Variants in ZNF521 observed in about 807,000 individuals in gnomAD.
ZNF521 encodes the protein LYST-interacting protein 3.
ZNF521 carries 14 observed loss-of-function variants against 105.5 expected under a neutral mutation model. The observed-to-expected ratio is 0.13, with a 90% confidence interval of 0.09 to 0.21. ZNF521 has a LOEUF of 0.21. ZNF521 is among the 10% of genes least tolerant of loss of function. The probability of loss-of-function intolerance (pLI) is 1.00; values close to 1 mark genes in which losing one functional copy is unlikely to be tolerated. For synonymous variants in ZNF521, 635 were observed against 606.0 expected (o/e 1.05, Z -0.70); for missense variants, 1,233 against 1,629.7 (o/e 0.76, Z 4.19).
chr18:25,272,401 C>T (rs535010834), intron 3 of ZNF521, among the ~76,000 whole-genome samples: 5 of 152,232 alleles, frequency 3.3e-5, no homozygotes, highest in Middle Eastern at 3.4e-3. Flanking sequence ...ACCCAGCCAT[C>T]CCATTACAAG....
intron 5 of ZNF521, among the ~76,000 whole-genome samples, chr18:25,192,815 A>G (rs1252964823): frequency 6.6e-6 from 1 of 152,054 alleles, no homozygotes; most frequent in Non-Finnish European, 1.5e-5. Context: ...GGAATTCTAA[A>G]AAGGGGTATC....
chr18:25,070,696 A>T (rs1340693412), intron 7 of ZNF521, among the ~76,000 whole-genome samples: 1 of 151,762 alleles, frequency 6.6e-6, no homozygotes, highest in Non-Finnish European at 1.5e-5. Context: ...TACTGCCAAC[A>T]TGCTAGTGGC....
Position 25,227,595 on chromosome 18 carries a change from C to T in ZNF521, c.323G>A (p.Gly108Glu), listed in dbSNP as rs1906249452. 6.2e-7 allele frequency: 1 copy of T among 1,614,016 alleles called. No individual in the cohort carries two copies. Among genetic ancestry groups the T allele is most frequent in the Admixed American group, 1.7e-5 (1 of 59,996 alleles). ...AAGCCCAGGGCCACCTTCTTCCTCT[C>T]CAAAATCGCAACCTTCTCCATGGCT... ...SPSHGEGCDFGEEEGGPGLPY... is the reference protein window; with the variant it reads ...SPSHGEGCDFEEEEGGPGLPY... The change falls in exon 4 of 8, where the codon GGA becomes GAA. Residue 108 changes from glycine (G) to glutamate (E), a missense_variant. By Grantham distance (98) the Gly-to-Glu change is moderately conservative (BLOSUM62 -2). This residue lies in a region of ZNF521 where 85 missense variants were observed against 162.2 expected (regional missense o/e 0.52). Transcript: ENST00000361524. The surrounding 1 kb of genome is among the most constrained non-coding windows in gnomAD (Gnocchi z 5.7).
At chr18:25,142,743 A>G (rs1215002424) in intron 5 of ZNF521, among the ~76,000 whole-genome samples, 1 of 118,280 alleles carries the variant, frequency 8.5e-6, no homozygotes, top group Admixed American at 8.4e-5. Context: ...TAGATCCTGT[A>G]CATTCCCTTT....
chr18:25,351,961 A>C, intron 1 of ZNF521, 44 bp downstream of exon 1: 1 of 348,416 alleles, frequency 2.9e-6, no homozygotes, highest in Admixed American at 3.0e-5. Context: ...CGGGAGCAGG[A>C]GGAGGAGAAG....
chr18:25,247,628 G>C (rs899634479), intron 3 of ZNF521, among the ~76,000 whole-genome samples: 1 of 152,190 alleles, frequency 6.6e-6, no homozygotes, highest in African/African-American at 2.4e-5. Flanking sequence ...CTAGAACATA[G>C]AATTTGTGAG....
In ZNF521 at chr18:25,305,242, G is replaced by GT. The variant is rs527476051; in HGVS notation, c.220+16765dup. ...CTTACGCTTGCCTACTAAAAATGAG[G>GT]TATCAATATTTTTCATTGTACTAAA... On this transcript the variant is annotated intron_variant, in intron 3 of 7. Transcript: ENST00000361524. Among the ~76,000 whole-genome samples the GT allele has an allele frequency of 1.8e-4, 28 of 152,100 alleles. No homozygotes were observed. The East Asian group carries it at 4.8e-3, about 26-fold the overall frequency.
At chr18:25,339,699 GA>G (rs1296334981) in intron 2 of ZNF521, among the ~76,000 whole-genome samples, 1 of 152,086 alleles carries the variant, frequency 6.6e-6, no homozygotes, top group African/African-American at 2.4e-5. Context: ...AGGTTACGGG[GA>G]TTCAAAGAAA....
At chr18:25,080,763 ATAGT>A (rs141523482) in intron 7 of ZNF521, among the ~76,000 whole-genome samples, 1 of 152,326 alleles carries the variant, frequency 6.6e-6, no homozygotes, top group East Asian at 1.9e-4. Context: ...GTGTTTTCCA[ATAGT>A]TAGAGGAAAG....
At chr18:25,181,155 TA>T (rs1303505662) in intron 5 of ZNF521, among the ~76,000 whole-genome samples, 1 of 152,198 alleles carries the variant, frequency 6.6e-6, no homozygotes, top group Non-Finnish European at 1.5e-5. Context: ...TCCTGCTTGA[TA>T]AATTCCAACC....
chr18:25,203,507 C>T (rs1208467420), intron 4 of ZNF521, among the ~76,000 whole-genome samples: 1 of 152,098 alleles, frequency 6.6e-6, no homozygotes, highest in African/African-American at 2.4e-5. Flanking sequence ...TTTCTAGCTA[C>T]TTGGGAGACT....
chr18:25,316,529 T>A (rs1429013810), intron 3 of ZNF521, among the ~76,000 whole-genome samples: 1 of 152,054 alleles, frequency 6.6e-6, no homozygotes, highest in African/African-American at 2.4e-5. Flanking sequence ...ACTAAAAGGC[T>A]TTAACCAAGC....
At chr18:25,143,158 T>C (rs77496389) in intron 5 of ZNF521, among the ~76,000 whole-genome samples, 25,151 of 152,042 alleles carry the variant, frequency 0.17, 2,616 homozygotes, top group East Asian at 0.33. Flanking sequence ...TCTACATTTA[T>C]ACTCTTTTTT....
In ZNF521 at chr18:25,121,290, T is replaced by TG. The variant is rs1555636201; in HGVS notation, c.3659-29210dup. ...TCTTCTTCCTTTTTTTTTTTTTTTTTGAGACAAAGTCTCGCTCTGTTGCCC... is the reference window on the plus strand; with the variant it reads ...TCTTCTTCCTTTTTTTTTTTTTTTTTGGAGACAAAGTCTCGCTCTGTTGCCC... On this transcript the variant is annotated intron_variant, in intron 5 of 7. Coordinates refer to ENST00000361524, the MANE Select transcript of ZNF521 (RefSeq NM_015461.3). Among the ~76,000 whole-genome samples the TG allele has an allele frequency of 1.5e-4, 20 of 129,194 alleles. 1 individual carries two copies. Among genetic ancestry groups the TG allele is most frequent in the African/African-American group, 4.9e-4 (19 of 38,530 alleles). 84.8% of individuals were successfully genotyped at this position (129,194 alleles called of 152,430 possible). A position where few individuals can be genotyped will look rare whatever the true frequency, so the allele number is the denominator to read the frequency against.
chr18:25,082,059 G>A (rs1007509410), intron 7 of ZNF521, among the ~76,000 whole-genome samples: 7 of 152,110 alleles, frequency 4.6e-5, no homozygotes, highest in Admixed American at 1.3e-4. Context: ...CTGGAGATCC[G>A]ATCAAATAAA....
At chr18:25,234,094 G>A (rs1378092314) in intron 3 of ZNF521, among the ~76,000 whole-genome samples, 1 of 151,944 alleles carries the variant, frequency 6.6e-6, no homozygotes, top group Non-Finnish European at 1.5e-5. Context: ...AGAAGGAAAA[G>A]TGGTTTCCAA....
intron 3 of ZNF521, among the ~76,000 whole-genome samples, chr18:25,254,382 C>G (rs1370395293): frequency 6.6e-6 from 1 of 152,124 alleles, no homozygotes; most frequent in Non-Finnish European, 1.5e-5. Flanking sequence ...AAAATGTTCC[C>G]TAGCAATAAA....
chr18:25,271,846 G>T (rs1214882459), intron 3 of ZNF521, among the ~76,000 whole-genome samples: 1 of 152,180 alleles, frequency 6.6e-6, no homozygotes, highest in African/African-American at 2.4e-5. Context: ...TCAGGATATA[G>T]GCATGGGCAA....
intron 5 of ZNF521, among the ~76,000 whole-genome samples, chr18:25,157,415 C>T (rs75999739): frequency 0.021 from 3,264 of 152,188 alleles, 58 homozygotes; most frequent in Middle Eastern, 0.041. Context: ...TGATCAGAAA[C>T]GGGAAAGTTC....
Sources: gnomAD v4.1 joint callset for allele counts (sites outside exome capture counted in the v4.1 genomes callset) on GRCh38, gnomAD v4.1.1 for gene constraint, gnomAD v4.1.1 regional missense constraint, Gnocchi (gnomAD v3.1) non-coding constraint, MANE v1.5 for transcripts, NCBI Gene and HGNC (gene_info 2026-07-23, HGNC 2026-07-21) for gene names.